FSTL5: variants seen among roughly 807,000 people sequenced by gnomAD.
The protein encoded by FSTL5 is follistatin like 5.
A neutral mutation model predicts 89.1 loss-of-function variants in FSTL5; 62 were observed. The ratio of observed to expected loss-of-function variants is 0.70; its 90% CI spans 0.57 to 0.86. The LOEUF is 0.86. Ranked by LOEUF, FSTL5 falls within the 40% of genes least tolerant of loss-of-function variation. The pLI, the probability that FSTL5 is intolerant of heterozygous loss-of-function variation, is 0.00. For missense variants in FSTL5, 1,057 were observed against 1,001.6 expected, an observed-to-expected ratio of 1.06 and a Z score of -0.75; for synonymous variants, 383 against 346.2, an observed-to-expected ratio of 1.11 and a Z score of -1.18.
intron 12 of FSTL5, among the ~76,000 whole-genome samples, chr4:161,499,385 C>T (rs1328993628): frequency 6.6e-6 from 1 of 152,000 alleles, no homozygotes; most frequent in Non-Finnish European, 1.5e-5. Context: ...GGAAACTGAC[C>T]TCCTGGTCAT....
intron 2 of FSTL5, among the ~76,000 whole-genome samples, chr4:162,105,937 G>A (rs1308092731): frequency 2.0e-5 from 3 of 152,040 alleles, no homozygotes; most frequent in African/African-American, 7.2e-5. Context: ...CTGCCTGAAG[G>A]TTCACACCCT....
chr4:161,527,352 C>T (rs1160365081), intron 10 of FSTL5, among the ~76,000 whole-genome samples: 1 of 152,084 alleles, frequency 6.6e-6, no homozygotes, highest in African/African-American at 2.4e-5. Context: ...TCAGAGTGAA[C>T]AGGCAACCTA....
chr4:162,018,458 G>A (rs908243648), intron 3 of FSTL5, among the ~76,000 whole-genome samples: 1 of 152,024 alleles, frequency 6.6e-6, no homozygotes, highest in Non-Finnish European at 1.5e-5. Flanking sequence ...TTGAATTTGT[G>A]AATAATTATT....
chr4:161,970,027 G>A (rs367865091), intron 3 of FSTL5, among the ~76,000 whole-genome samples: 3 of 152,134 alleles, frequency 2.0e-5, no homozygotes, highest in East Asian at 3.9e-4. Context: ...TAAAAAAATC[G>A]AACTGGATTT....
intron 12 of FSTL5, among the ~76,000 whole-genome samples, chr4:161,481,601 T>C (rs900338892): frequency 4.6e-5 from 7 of 152,202 alleles, no homozygotes; most frequent in Non-Finnish European, 7.3e-5. Flanking sequence ...AAGAGTCATG[T>C]AATCTTGTGG....
chr4:161,407,799 G>A (rs1731437784), intron 15 of FSTL5, among the ~76,000 whole-genome samples: 1 of 152,014 alleles, frequency 6.6e-6, no homozygotes, highest in African/African-American at 2.4e-5. Flanking sequence ...ATAGGAACAT[G>A]TATATAGTGC....
chr4:161,507,096 T>A (rs1578885315), intron 11 of FSTL5, among the ~76,000 whole-genome samples: 2 of 152,070 alleles, frequency 1.3e-5, no homozygotes, highest in African/African-American at 2.4e-5. Flanking sequence ...CAATAAATTT[T>A]AAAAATCCCA....
chr4:162,098,451 C>T (rs1730855538), intron 2 of FSTL5, among the ~76,000 whole-genome samples: 1 of 151,932 alleles, frequency 6.6e-6, no homozygotes. Flanking sequence ...AGAGAATACG[C>T]ATGTAACATC....
chr4:161,968,856 A>T (rs982764092), intron 3 of FSTL5, among the ~76,000 whole-genome samples: 3 of 151,966 alleles, frequency 2.0e-5, no homozygotes, highest in Non-Finnish European at 4.4e-5. Context: ...AAAAGACAGG[A>T]GAATACCTCT....
intron 3 of FSTL5, among the ~76,000 whole-genome samples, chr4:161,976,505 G>A (rs772145167): frequency 6.6e-6 from 1 of 152,044 alleles, no homozygotes; most frequent in Non-Finnish European, 1.5e-5. Flanking sequence ...TTGCTGAGTC[G>A]GAGTCTTGCT....
chr4:162,096,347 T>C (rs1454413316), intron 2 of FSTL5, among the ~76,000 whole-genome samples: 1 of 151,530 alleles, frequency 6.6e-6, no homozygotes, highest in African/African-American at 2.4e-5. Flanking sequence ...TCTTCAGCAA[T>C]GAAAACATTC....
intron 2 of FSTL5, among the ~76,000 whole-genome samples, chr4:162,094,250 G>A (rs1265087509): frequency 2.6e-5 from 4 of 152,110 alleles, no homozygotes; most frequent in Non-Finnish European, 4.4e-5. Flanking sequence ...AGCTGGGCGT[G>A]GTGGCAGGTG....
chr4:162,161,482 T>C (rs1239362144), intron 1 of FSTL5, among the ~76,000 whole-genome samples: 1 of 152,030 alleles, frequency 6.6e-6, no homozygotes. Context: ...GCTAATGTTT[T>C]ACATTTGCAA....
chr4:161,753,761 G>A (rs903560143), intron 6 of FSTL5, among the ~76,000 whole-genome samples: 2 of 151,768 alleles, frequency 1.3e-5, no homozygotes, highest in Admixed American at 6.6e-5. Flanking sequence ...GAACTGTTTC[G>A]GCCAGGCGCG....
chr4:161,606,088 T>C (rs1389583185), intron 7 of FSTL5, among the ~76,000 whole-genome samples: 1 of 152,112 alleles, frequency 6.6e-6, no homozygotes, highest in Non-Finnish European at 1.5e-5. Flanking sequence ...GTATCTCAGC[T>C]GAGGCCATCC....
chr4:161,760,073 T>G (rs1336458458), intron 5 of FSTL5, among the ~76,000 whole-genome samples: 3 of 152,172 alleles, frequency 2.0e-5, no homozygotes, highest in Non-Finnish European at 4.4e-5. Context: ...TGAATTCCCT[T>G]GGTCACAAAA....
chr4:161,686,398 G>A (rs1216287486), intron 6 of FSTL5, among the ~76,000 whole-genome samples: 7 of 102,464 alleles, frequency 6.8e-5, no homozygotes, highest in East Asian at 3.4e-4. Context: ...TCTCTCTGTC[G>A]CCCAGGCTGG....
chr4:161,710,820 A>G (rs1169308354), intron 6 of FSTL5, among the ~76,000 whole-genome samples: 4 of 152,198 alleles, frequency 2.6e-5, no homozygotes, highest in Non-Finnish European at 5.9e-5. Flanking sequence ...AAGCCTTAGA[A>G]CAATCAATAA....
rs201657605 is a variant in FSTL5 at position 161,976,546 on chromosome 4, A to G, written c.161-55894T>C. Among the ~76,000 whole-genome samples the G allele has an allele frequency of 3.9e-5, 6 of 152,246 alleles. No individual in the cohort carries two copies. In the East Asian group the frequency reaches 1.2e-3, roughly 29 times the overall value. ...GCCCAGGCTGGAGTGCAGTGGTGCC[A>G]TCTCGGCTCACTGCAAGCTCCGCCT... On this transcript the variant is annotated intron_variant, in intron 3 of 15. Coordinates refer to ENST00000306100, the MANE Select transcript of FSTL5 (RefSeq NM_020116.5).
Sources: allele counts gnomAD v4.1 joint callset (sites outside exome capture counted in the v4.1 genomes callset), GRCh38; gene constraint gnomAD v4.1.1; transcripts MANE v1.5; gene names NCBI Gene and HGNC (gene_info 2026-07-23, HGNC 2026-07-21).